Variants in IGFL3 observed in about 807,000 individuals in gnomAD.
IGFL3 encodes the protein insulin growth factor-like family member 3.
A neutral mutation model predicts 17.0 loss-of-function variants in IGFL3; 12 were observed. The ratio of observed to expected loss-of-function variants is 0.71; its 90% CI spans 0.45 to 1.14. The LOEUF is 1.14. Ranked by LOEUF, IGFL3 falls within the 50% of genes most tolerant of loss-of-function variation. The pLI, the probability that IGFL3 is intolerant of heterozygous loss-of-function variation, is 0.00. For missense variants in IGFL3, 153 were observed against 151.6 expected (o/e 1.01, Z -0.05); for synonymous variants, 52 against 57.4 (o/e 0.91, Z 0.42).
At chr19:46,121,285 G>A (rs557818733) in intron 3 of IGFL3, among the ~76,000 whole-genome samples, 2 of 149,422 alleles carry the variant, frequency 1.3e-5, no homozygotes, top group East Asian at 4.0e-4. Flanking sequence ...CTACTCAGGA[G>A]ACCGAGGTAG....
In IGFL3 at chr19:46,122,044, T is replaced by A. The variant is rs115903275; in HGVS notation, c.351-1687A>T. Among the ~76,000 whole-genome samples the A allele has an allele frequency of 4.2e-3, 638 of 151,310 alleles. 40 individuals are homozygous for A. The highest frequency in any genetic ancestry group is 0.014 in the African/African-American group (571 of 40,898). ...TATCTTTTTAAAACATGCTGTGATA[T>A]AGCTAATGTTAAAACTGACACAGCT... On this transcript the variant is annotated intron_variant, in intron 3 of 3. Coordinates refer to ENST00000341415, the MANE Select transcript of IGFL3 (RefSeq NM_207393.2).
intron 3 of IGFL3, among the ~76,000 whole-genome samples, chr19:46,121,503 C>G (rs73574603): frequency 6.7e-6 from 1 of 150,044 alleles, no homozygotes; most frequent in African/African-American, 2.5e-5. Flanking sequence ...TCTCAACAGC[C>G]CACTGAGAGG....
At chr19:46,122,879 T>C (rs1162833969) in intron 3 of IGFL3, among the ~76,000 whole-genome samples, 8 of 150,918 alleles carry the variant, frequency 5.3e-5, no homozygotes, top group Non-Finnish European at 1.2e-4. Context: ...ATTCCTAGTC[T>C]ACTTGATTAA....
intron 3 of IGFL3, 114 bp downstream of exon 3, chr19:46,123,772 C>T (rs1971918675): frequency 1.6e-6 from 2 of 1,223,560 alleles, no homozygotes; most frequent in Admixed American, 2.3e-5. Context: ...CCTGCTGCCA[C>T]CAGCCTGACT....
At chr19:46,124,566 G>T (rs978263249) in intron 1 of IGFL3, 59 bp downstream of exon 1, 20 of 1,491,658 alleles carry the variant, frequency 1.3e-5, no homozygotes, top group Admixed American at 1.7e-5. Flanking sequence ...TCGGGTTGAG[G>T]TTTGGGAGCT....
At chr19:46,120,725 A>G (rs1484116353) in intron 3 of IGFL3, among the ~76,000 whole-genome samples, 7 of 151,076 alleles carry the variant, frequency 4.6e-5, no homozygotes, top group African/African-American at 1.7e-4. Flanking sequence ...TACAGATATT[A>G]TAAACTTCTA....
chr19:46,121,800 CAA>C (rs1167054674), intron 3 of IGFL3, among the ~76,000 whole-genome samples: 1 of 150,912 alleles, frequency 6.6e-6, no homozygotes, highest in Non-Finnish European at 1.5e-5. Context: ...GAGCTGACTG[CAA>C]AGAGACAAAG....
At chr19:46,122,034 T>C (rs1488995084) in intron 3 of IGFL3, among the ~76,000 whole-genome samples, 7 of 151,274 alleles carry the variant, frequency 4.6e-5, no homozygotes, top group African/African-American at 1.7e-4. Flanking sequence ...TTTTAAAACA[T>C]GCTGTGATAT....
intron 3 of IGFL3, among the ~76,000 whole-genome samples, chr19:46,122,906 G>C (rs1014478245): frequency 2.0e-5 from 3 of 150,482 alleles, no homozygotes; most frequent in African/African-American, 2.5e-5. Flanking sequence ...ATCTTCCAAG[G>C]GTTTGTTTAG....
chr19:46,124,145 C>T lies in IGFL3; in HGVS notation c.91G>A (p.Gly31Ser). The change falls in exon 3 of 4, where the codon GGC becomes AGC. Residue 31 changes from glycine to serine, a missense_variant. Coordinates refer to ENST00000341415, the MANE Select transcript of IGFL3 (RefSeq NM_207393.2). Reference sequence around the variant, plus strand: ...GGCTGGCACAGCCACAGTCCTGAGCCAACAGGAGCGTCTGGGGGCAGACAT... The same window carrying T: ...GGCTGGCACAGCCACAGTCCTGAGCTAACAGGAGCGTCTGGGGGCAGACAT... ...CSKGTTDAPV[G>S]SGLWLCQPTP... 6.2e-7 allele frequency: 1 copy of T among 1,610,326 alleles called. No homozygotes were observed.
intron 3 of IGFL3, 105 bp from the exon 4 acceptor site, chr19:46,120,462 C>T (rs1425549754): frequency 1.3e-6 from 2 of 1,508,886 alleles, no homozygotes; most frequent in Non-Finnish European, 1.8e-6. Flanking sequence ...ACAGACTTGA[C>T]TGCTACACCA....
chr19:46,123,837 C>T (rs781761269), intron 3 of IGFL3, 49 bp downstream of exon 3: 6 of 1,551,936 alleles, frequency 3.9e-6, no homozygotes, highest in East Asian at 4.6e-5. Flanking sequence ...CTCTGTATCC[C>T]TCATCCCTCC....
chr19:46,120,443 T>G, intron 3 of IGFL3, 86 bp from the exon 4 acceptor site: 1 of 1,582,188 alleles, frequency 6.3e-7, no homozygotes, highest in East Asian at 2.3e-5. Flanking sequence ...TTTAACAAAC[T>G]TGACTTTAAC....
At chr19:46,124,433 C>G in intron 1 of IGFL3, 112 bp from the exon 2 acceptor site, 1 of 1,281,910 alleles carries the variant, frequency 7.8e-7, no homozygotes, top group Middle Eastern at 1.9e-4. Context: ...GAGATTATCA[C>G]TTGGGGCTAA....
At chr19:46,120,667 A>G (rs1203363837) in intron 3 of IGFL3, among the ~76,000 whole-genome samples, 1 of 151,108 alleles carries the variant, frequency 6.6e-6, no homozygotes, top group African/African-American at 2.5e-5. Context: ...CAATACAGAG[A>G]TATCAGAAAT....
chr19:46,121,414 A>G (rs887658780), intron 3 of IGFL3, among the ~76,000 whole-genome samples: 2 of 147,990 alleles, frequency 1.4e-5, no homozygotes, highest in Non-Finnish European at 3.0e-5. Flanking sequence ...AAAAAAGAAG[A>G]AGAAAAGAAA....
At chr19:46,120,983 T>C (rs994274199) in intron 3 of IGFL3, among the ~76,000 whole-genome samples, 2 of 150,772 alleles carry the variant, frequency 1.3e-5, no homozygotes, top group African/African-American at 4.9e-5. Context: ...AGCCTTAGGT[T>C]TATTTTTAAT....
In IGFL3 at chr19:46,120,412, A is replaced by G; in HGVS notation, c.351-55T>C. On this transcript the variant is annotated intron_variant, in intron 3 of 3. Coordinates refer to ENST00000341415, the MANE Select transcript of IGFL3 (RefSeq NM_207393.2). The stretch of plus-strand genomic sequence containing the variant: ...TAACAACATATATTCTCAGGAAAAA[A>G]TTATCCCCTACAAAAGCAATTTTAA... The G allele has an allele frequency of 1.9e-6, 3 of 1,606,668 alleles. No homozygotes were observed. In the South Asian group the frequency reaches 3.3e-5, roughly 18 times the overall value.
At position 46,123,910 on chromosome 19, in the gene IGFL3, G is replaced by A; in HGVS notation, c.326C>T (p.Ser109Phe). 6.2e-7 allele frequency: 1 copy of A among 1,611,120 alleles called. No individual in the cohort carries two copies. The highest frequency in any genetic ancestry group is 8.5e-7 in the Non-Finnish European group (1 of 1,179,504). Residue 109 changes from serine (S) to phenylalanine (F), a missense_variant, in exon 3 of 4, where the codon TCT (serine) becomes TTT (phenylalanine). Coordinates refer to ENST00000341415, the MANE Select transcript of IGFL3 (RefSeq NM_207393.2). ...VLGMKSQCHL[S>F]PISRSCTRNR... ...CCTGGTACAGCTCCGGGAGATGGGA[G>A]ATAAGTGACACTGAGACTTCATACC...
Sources: allele counts gnomAD v4.1 joint callset (sites outside exome capture counted in the v4.1 genomes callset), GRCh38; gene constraint gnomAD v4.1.1; transcripts MANE v1.5; gene names NCBI Gene and HGNC (gene_info 2026-07-23, HGNC 2026-07-21).